The following OTUD7A variants were observed in gnomAD, a reference collection of about 807,000 sequenced individuals.
The protein encoded by OTUD7A is OTU domain-containing protein 7A.
OTUD7A carries 12 observed loss-of-function variants against 65.7 expected under a neutral mutation model. That is an observed-to-expected ratio of 0.18 (90% CI 0.12 to 0.30). OTUD7A has a LOEUF of 0.30. Among genes scored for constraint, OTUD7A ranks in the 10% least tolerant of loss-of-function variants. OTUD7A has a pLI of 1.00. For synonymous variants in OTUD7A, 641 were observed against 586.3 expected (o/e 1.09, Z -1.35); for missense variants, 1,148 against 1,304.8 (o/e 0.88, Z 1.85).
At chr15:31,768,658 GA>G (rs56953817) in intron 1 of OTUD7A, among the ~76,000 whole-genome samples, 3,261 of 133,416 alleles carry the variant, frequency 0.024, 99 homozygotes, top group African/African-American at 0.08. Context: ...CCATCACAAA[GA>G]AAAAAAAAAA....
At chr15:31,868,845 G>A (rs1443351684) in intron 1 of OTUD7A, among the ~76,000 whole-genome samples, 1 of 152,144 alleles carries the variant, frequency 6.6e-6, no homozygotes, top group Non-Finnish European at 1.5e-5. Context: ...AGTAACCACT[G>A]TTTTCCCATT....
intron 1 of OTUD7A, among the ~76,000 whole-genome samples, chr15:31,727,822 T>C (rs2141356818): frequency 6.6e-6 from 1 of 152,228 alleles, no homozygotes; most frequent in Non-Finnish European, 1.5e-5. Context: ...CTGTTTCATC[T>C]GAGTACTTCT....
At chr15:31,552,565 G>A (rs142001451) in intron 5 of OTUD7A, among the ~76,000 whole-genome samples, 63 of 152,338 alleles carry the variant, frequency 4.1e-4, no homozygotes, top group African/African-American at 1.4e-3. Flanking sequence ...CTTCACAACA[G>A]CCCCACAAGG....
At position 31,481,747 on chromosome 15, in the gene OTUD7A, CCTT is replaced by C. The variant is rs1009734885; in HGVS notation, c.*1544_*1546del. 1.2e-4 allele frequency: 18 copies of C among 151,122 alleles called. No individual in the cohort carries two copies. The highest frequency in any genetic ancestry group is 6.6e-4 in the Admixed American group (10 of 15,142). The allele number at this position is 151,122 out of a possible 1,614,324, so 9.4% of individuals were successfully genotyped here. On this transcript the variant is annotated 3_prime_UTR_variant, in exon 13 of 13. Transcript: ENST00000307050. ...AAGTAAAAAAAATCCCCTCGCCCCC[CCTT>C]TTTTTTTGTTTTTGCTGCTCTTTAG...
intron 3 of OTUD7A, among the ~76,000 whole-genome samples, chr15:31,624,368 A>T (rs1464952293): frequency 6.6e-6 from 1 of 152,274 alleles, no homozygotes; most frequent in Non-Finnish European, 1.5e-5. Context: ...AATACTATCC[A>T]AGGAGTCACC....
rs2042074585 is a variant in OTUD7A at position 31,530,745 on chromosome 15, G to A, written c.614C>T (p.Thr205Ile). The A allele has an allele frequency of 6.2e-7, 1 of 1,614,058 alleles. No individual in the cohort carries two copies. Among genetic ancestry groups the A allele is most frequent in the Admixed American group, 1.7e-5 (1 of 60,006 alleles). Residue 205 changes from threonine (T) to isoleucine (I), a missense_variant, in exon 6 of 13, where the codon ACA becomes ATA. Thr to Ile is a moderately conservative substitution (Grantham distance 89). Coordinates refer to ENST00000307050, the MANE Select transcript of OTUD7A (RefSeq NM_001382637.1). The stretch of plus-strand genomic sequence containing the variant: ...ATGTAAAAGGCAGTTCCCATCCCCT[G>A]TTGTGGCCAGAGGAAGAAGCCGTTT... The part of the protein sequence containing the change: ...SCKRLLPLAT[T>I]GDGNCLLHAA...
chr15:31,795,722 T>C (rs956848411), intron 1 of OTUD7A, among the ~76,000 whole-genome samples: 4 of 152,166 alleles, frequency 2.6e-5, no homozygotes, highest in Non-Finnish European at 2.9e-5. Flanking sequence ...AGAACACTGG[T>C]GCTAGGAGCA....
intron 1 of OTUD7A, among the ~76,000 whole-genome samples, chr15:31,686,517 C>A (rs376577446): frequency 6.6e-6 from 1 of 152,248 alleles, no homozygotes; most frequent in East Asian, 1.9e-4. Flanking sequence ...CTCCCATAAC[C>A]TTTGGGTTTG....
chr15:31,514,114 T>A (rs1473160246), intron 8 of OTUD7A, among the ~76,000 whole-genome samples: 5 of 149,602 alleles, frequency 3.3e-5, no homozygotes, highest in African/African-American at 1.2e-4. Flanking sequence ...AGTGCAGTGG[T>A]GAGATCATAG....
At chr15:31,819,661 A>G (rs573654499) in intron 1 of OTUD7A, among the ~76,000 whole-genome samples, 13 of 152,016 alleles carry the variant, frequency 8.6e-5, no homozygotes, top group Non-Finnish European at 1.8e-4. Context: ...ATAATTCAAA[A>G]CCACTTCATT....
At chr15:31,830,571 T>C (rs914056619) in intron 1 of OTUD7A, among the ~76,000 whole-genome samples, 2 of 152,232 alleles carry the variant, frequency 1.3e-5, no homozygotes, top group African/African-American at 2.4e-5. Flanking sequence ...AACTAAGCAA[T>C]TGGAGCTACA....
At chr15:31,537,268 G>A (rs887714262) in intron 5 of OTUD7A, among the ~76,000 whole-genome samples, 5 of 152,112 alleles carry the variant, frequency 3.3e-5, no homozygotes, top group African/African-American at 9.7e-5. Flanking sequence ...ACTCTTCAGC[G>A]CTTTTTGGTT....
intron 3 of OTUD7A, among the ~76,000 whole-genome samples, chr15:31,581,601 T>G (rs930386227): frequency 1.3e-5 from 2 of 152,240 alleles, no homozygotes; most frequent in Non-Finnish European, 2.9e-5. Flanking sequence ...TAACACCATG[T>G]GGAAGCTGCC....
rs146600299 is a variant in OTUD7A, at chr15:31,528,702, T to C, written c.653-1394A>G. Reference sequence around the variant, plus strand: ...GCAGAGATGGCCTCCTTGTCCTGCATATATCTGCCTACAGGCCTGACTCCA... The same window carrying C: ...GCAGAGATGGCCTCCTTGTCCTGCACATATCTGCCTACAGGCCTGACTCCA... On this transcript the variant is annotated intron_variant, in intron 6 of 12. Transcript: ENST00000307050. Among the ~76,000 whole-genome samples the C allele has an allele frequency of 7.5e-3, 1,150 of 152,354 alleles. 7 individuals are homozygous for C. Among genetic ancestry groups the C allele is most frequent in the Non-Finnish European group, 0.013 (877 of 68,026 alleles).
chr15:31,750,059 C>T (rs767129833), intron 1 of OTUD7A, among the ~76,000 whole-genome samples: 4 of 152,106 alleles, frequency 2.6e-5, no homozygotes, highest in Non-Finnish European at 4.4e-5. Flanking sequence ...AAAGAAATTA[C>T]GGATGACACA....
At chr15:31,499,517 C>A (rs1294592869) in intron 10 of OTUD7A, among the ~76,000 whole-genome samples, 1 of 152,256 alleles carries the variant, frequency 6.6e-6, no homozygotes. Flanking sequence ...TCCCTCTCTG[C>A]TGAGATGTCG....
At chr15:31,694,109 C>A (rs760457654) in intron 1 of OTUD7A, among the ~76,000 whole-genome samples, 42 of 152,334 alleles carry the variant, frequency 2.8e-4, no homozygotes, top group Non-Finnish European at 6.0e-4. Flanking sequence ...AGCTACCCAG[C>A]AGGGTGCCAT....
At chr15:31,494,065 C>T (rs2041352849) in intron 10 of OTUD7A, among the ~76,000 whole-genome samples, 1 of 152,330 alleles carries the variant, frequency 6.6e-6, no homozygotes, top group Admixed American at 6.5e-5. Context: ...GGCATCAGGG[C>T]CAATGGTGGC....
intron 1 of OTUD7A, among the ~76,000 whole-genome samples, chr15:31,826,526 G>A (rs762433889): frequency 2.0e-5 from 3 of 152,204 alleles, no homozygotes; most frequent in Non-Finnish European, 2.9e-5. Flanking sequence ...GTGATAGGAG[G>A]GGCTGATGTG....
Sources: allele counts gnomAD v4.1 joint callset (sites outside exome capture counted in the v4.1 genomes callset), GRCh38; gene constraint gnomAD v4.1.1; transcripts MANE v1.5; gene names NCBI Gene and HGNC (gene_info 2026-07-23, HGNC 2026-07-21).